ANKRD11: variants seen among roughly 807,000 people sequenced by gnomAD.
The protein encoded by ANKRD11 is ankyrin repeat domain 11.
Under a neutral mutation model 195.7 loss-of-function variants are expected in ANKRD11, and 17 were observed. The observed-to-expected ratio is 0.09, with a 90% CI of 0.06 to 0.13. The LOEUF is 0.13. Ranked by LOEUF, ANKRD11 falls within the 10% of genes least tolerant of loss-of-function variation. The pLI, the probability that ANKRD11 is intolerant of heterozygous loss-of-function variation, is 1.00. For missense variants in ANKRD11, 3,735 were observed against 3,566.1 expected (o/e 1.05, Z -1.21); for synonymous variants, 1,953 against 1,528.1 (o/e 1.28, Z -6.49).
intron 2 of ANKRD11, chr16:89,324,161 T>C: frequency 9.1e-7 from 1 of 1,096,460 alleles, no homozygotes; most frequent in Non-Finnish European, 1.2e-6. Context: ...TCCACTCACA[T>C]TTTCTGTTAT....
rs774783880 is a variant in ANKRD11 at position 89,285,303 on chromosome 16, C to T, written c.1239G>A (p.Glu413=). ...SHRILSDTSD[E]EDASVTVGTG... is the part of the protein sequence containing the mutation. ...TCCCCACGGTGACACTCGCGTCCTC[C>T]TCGTCCGACGTGTCTGACAGGATAC... Residue 413 remains glutamate, a synonymous_variant, in exon 9 of 13, where the codon GAG becomes GAA. Transcript: ENST00000301030. This position sits in a 1 kb window ranked among gnomAD's most constrained non-coding sequence, Gnocchi z 5.6. 1 of 1,613,998 alleles carries T rather than the reference C, an allele frequency of 6.2e-7. No individual in the cohort carries two copies. The highest frequency in any genetic ancestry group is 1.1e-5 in the South Asian group (1 of 91,082).
At chr16:89,301,225 G>A in intron 4 of ANKRD11, 1 of 407,840 alleles carries the variant, frequency 2.5e-6, no homozygotes, top group Middle Eastern at 6.2e-4. Flanking sequence ...TCCCGCCAAA[G>A]TGCTGGAAGG....
intron 11 of ANKRD11, 25 bp downstream of exon 11, chr16:89,274,789 G>A: frequency 6.2e-7 from 1 of 1,606,652 alleles, no homozygotes. Context: ...TGGACTCATG[G>A]GCCTGGCATG....
chr16:89,283,024 G>T lies in ANKRD11; in HGVS notation c.3518C>A (p.Pro1173His). Residue 1173 changes from proline to histidine, a missense_variant, in exon 9 of 13, where the codon CCT (proline) becomes CAT (histidine). Transcript: ENST00000301030. This position sits in a 1 kb window ranked among gnomAD's most constrained non-coding sequence, Gnocchi z 4.3. The stretch of plus-strand genomic sequence containing the variant: ...GGGCTCCTTGTCCTTCTGCCTCTCA[G>T]GGTGCTGCTTGTCAGAAGACTTCCT... ...RHRKSSDKQH[P>H]ERQKDKEPRD... is the part of the protein sequence containing the mutation. The T allele has an allele frequency of 1.9e-6, 3 of 1,613,728 alleles. No homozygotes were observed. Among genetic ancestry groups the T allele is most frequent in the Non-Finnish European group, 2.5e-6 (3 of 1,180,014 alleles).
At chr16:89,316,895 T>C (rs1431283601) in intron 3 of ANKRD11, 38 bp downstream of exon 3, 1 of 1,602,444 alleles carries the variant, frequency 6.2e-7, no homozygotes, top group South Asian at 1.1e-5. Flanking sequence ...CCCATCTGGG[T>C]GCGGTGAGCA....
chr16:89,449,931 C>G (rs2043991609), intron 1 of ANKRD11, among the ~76,000 whole-genome samples: 1 of 152,176 alleles, frequency 6.6e-6, no homozygotes, highest in South Asian at 2.1e-4. Context: ...CTACAGGTCC[C>G]AGCTCCTGCT....
At chr16:89,348,954 C>T (rs2039068825) in intron 2 of ANKRD11, among the ~76,000 whole-genome samples, 1 of 149,366 alleles carries the variant, frequency 6.7e-6, no homozygotes, top group Non-Finnish European at 1.5e-5. Flanking sequence ...ATGGTGAAGC[C>T]TCATTTCTAC....
chr16:89,477,052 A>C (rs529151824), intron 1 of ANKRD11, among the ~76,000 whole-genome samples: 4 of 152,364 alleles, frequency 2.6e-5, no homozygotes, highest in African/African-American at 9.6e-5. Context: ...AGACGGAGTA[A>C]GAAACAGAGA....
rs1185352281 is a variant in ANKRD11, at chr16:89,285,367, GTGTAACTTTTAACCTCCA to G, written c.1157_1174del (p.Met386_Tyr391del). 6.2e-7 allele frequency: 1 copy of G among 1,613,948 alleles called. No individual in the cohort carries two copies. The highest frequency in any genetic ancestry group is 8.5e-7 in the Non-Finnish European group (1 of 1,180,052). On this transcript the variant is annotated inframe_deletion, in exon 9 of 13. Coordinates refer to ENST00000301030, the MANE Select transcript of ANKRD11 (RefSeq NM_013275.6). This position sits in a 1 kb window ranked among gnomAD's most constrained non-coding sequence, Gnocchi z 5.6. ...CTTTGGTGCAATCGTGTTATTTTTA[GTGTAACTTTTAACCTCCA>G]TTTTGGGTATAGAGATAAAACTATT...
In ANKRD11 at chr16:89,319,530, G is replaced by A. The variant is rs78690692; in HGVS notation, c.-59-2452C>T. On this transcript the variant is annotated intron_variant, in intron 2 of 12. Transcript: ENST00000301030. Reference sequence around the variant, plus strand: ...GATGACAGCTAAGACCATCCAGGCCGTGGCCCTTCCAGGACCCTCGTGTCC... The same window carrying A: ...GATGACAGCTAAGACCATCCAGGCCATGGCCCTTCCAGGACCCTCGTGTCC... Among the ~76,000 whole-genome samples, 960 of 152,340 alleles carry A rather than the reference G, an allele frequency of 6.3e-3. 13 individuals are homozygous for A. The highest frequency in any genetic ancestry group is 0.022 in the African/African-American group (907 of 41,576).
chr16:89,379,918 T>C (rs2040573712), intron 2 of ANKRD11, among the ~76,000 whole-genome samples: 1 of 152,182 alleles, frequency 6.6e-6, no homozygotes, highest in Non-Finnish European at 1.5e-5. Flanking sequence ...ACACTGACCT[T>C]TTCAGTTTTC....
intron 1 of ANKRD11, among the ~76,000 whole-genome samples, chr16:89,472,804 G>A (rs976521694): frequency 6.6e-6 from 1 of 152,202 alleles, no homozygotes; most frequent in Non-Finnish European, 1.5e-5. Context: ...TATTACCACA[G>A]AGGGGAGCAG....
chr16:89,295,817 A>G (rs371711251), intron 4 of ANKRD11, among the ~76,000 whole-genome samples: 12 of 105,742 alleles, frequency 1.1e-4, no homozygotes, highest in African/African-American at 4.6e-4. Context: ...TGCTCTGTGC[A>G]GGTGGGATCG....
At chr16:89,376,787 A>G (rs559155688) in intron 2 of ANKRD11, among the ~76,000 whole-genome samples, 9 of 152,314 alleles carry the variant, frequency 5.9e-5, no homozygotes, top group Admixed American at 5.9e-4. Flanking sequence ...ATTCTGGCGA[A>G]AAAAATCCTG....
rs1435105490 is a variant in ANKRD11, at chr16:89,374,352, T to A, written c.-60+43932A>T. 2.0e-3 allele frequency among the ~76,000 whole-genome samples: 294 copies of A among 144,610 alleles called. 2 individuals carry two copies. The highest frequency in any genetic ancestry group is 8.0e-3 in the Admixed American group (117 of 14,640). 94.9% of individuals were successfully genotyped at this position (144,610 alleles called of 152,430 possible). On this transcript the variant is annotated intron_variant, in intron 2 of 12. Transcript: ENST00000301030. ...TGTGTTTTTGTAAAAAAAATAATAA[T>A]AATAATAATCACACTCACCTGTTTA...
rs913628724 is a variant in ANKRD11 at position 89,435,806 on chromosome 16, A to T, written c.-144-17438T>A. The stretch of plus-strand genomic sequence containing the variant: ...ACAGCCACCAGCTCTTCACACACAC[A>T]CACACACACACACACACACACACAC... On this transcript the variant is annotated intron_variant, in intron 1 of 12. Coordinates refer to ENST00000301030, the MANE Select transcript of ANKRD11 (RefSeq NM_013275.6). Among the ~76,000 whole-genome samples the T allele has an allele frequency of 6.8e-3, 1,027 of 150,586 alleles. 14 individuals are homozygous for T. The highest frequency in any genetic ancestry group is 0.024 in the African/African-American group (974 of 40,726).
chr16:89,426,782 G>A (rs909198369), intron 1 of ANKRD11, among the ~76,000 whole-genome samples: 9 of 152,164 alleles, frequency 5.9e-5, no homozygotes, highest in Admixed American at 2.6e-4. Context: ...TATGATCGGC[G>A]TCATGGACAC....
intron 7 of ANKRD11, chr16:89,287,190 C>A (rs1322041609): frequency 9.8e-7 from 1 of 1,022,306 alleles, no homozygotes; most frequent in Non-Finnish European, 1.3e-6. Context: ...CACCACACTC[C>A]TCGGCCCTCC....
At chr16:89,387,049 C>A (rs1033958830) in intron 2 of ANKRD11, among the ~76,000 whole-genome samples, 6 of 152,050 alleles carry the variant, frequency 3.9e-5, no homozygotes, top group Admixed American at 6.6e-5. Flanking sequence ...TGCTTTCAGA[C>A]CTCCTGGAAG....
Sources: gnomAD v4.1 joint callset for allele counts (sites outside exome capture counted in the v4.1 genomes callset) on GRCh38, gnomAD v4.1.1 for gene constraint, Gnocchi (gnomAD v3.1) non-coding constraint, MANE v1.5 for transcripts, NCBI Gene and HGNC (gene_info 2026-07-23, HGNC 2026-07-21) for gene names.